The following GTF2E2 variants were observed in gnomAD, a reference collection of about 807,000 sequenced individuals.
The protein encoded by GTF2E2 is general transcription factor IIE subunit 2.
GTF2E2 carries 21 observed loss-of-function variants against 40.5 expected under a neutral mutation model. That is an observed-to-expected ratio of 0.52 (90% CI 0.37 to 0.75). GTF2E2 has a LOEUF of 0.75. Among genes scored for constraint, GTF2E2 ranks in the 30% least tolerant of loss-of-function variants. The pLI, the probability that GTF2E2 is intolerant of heterozygous loss-of-function variation, is 0.00. For synonymous variants in GTF2E2, 117 were observed against 121.6 expected, an observed-to-expected ratio of 0.96 and a Z score of 0.25; for missense variants, 298 against 338.4, an observed-to-expected ratio of 0.88 and a Z score of 0.94.
chr8:30,589,180 C>A (rs543292746), intron 6 of GTF2E2, among the ~76,000 whole-genome samples: 1 of 152,274 alleles, frequency 6.6e-6, no homozygotes, highest in African/African-American at 2.4e-5. Context: ...TCACTTGAAT[C>A]CAGGAAGCAG....
At chr8:30,600,871 T>C (rs1829158281) in intron 6 of GTF2E2, among the ~76,000 whole-genome samples, 1 of 152,218 alleles carries the variant, frequency 6.6e-6, no homozygotes, top group Admixed American at 6.5e-5. Context: ...GAACCCTCTG[T>C]GTGCCTGAAG....
In GTF2E2 at chr8:30,578,712, A is replaced by C. The variant is rs575167594; in HGVS notation, c.*209T>G. On this transcript the variant is annotated 3_prime_UTR_variant, in exon 8 of 8. Transcript: ENST00000355904. ...CAGCGCCTTTCTCCCAGGGAGTAAC[A>C]GAAGGTTAACAGGGAACATCACATT... 8.3e-5 allele frequency: 38 copies of C among 458,444 alleles called. No individual in the cohort carries two copies. The South Asian group carries it at 1.1e-3, about 13-fold the overall frequency. The allele number at this position is 458,444 out of a possible 1,614,324, so 28.4% of individuals were successfully genotyped here. A position where few individuals can be genotyped will look rare whatever the true frequency, so the allele number is the denominator to read the frequency against.
intron 6 of GTF2E2, among the ~76,000 whole-genome samples, chr8:30,589,326 G>A (rs978112975): frequency 2.0e-5 from 3 of 152,228 alleles, no homozygotes; most frequent in Non-Finnish European, 4.4e-5. Context: ...GGAGGCCAAG[G>A]TGGGAGGATC....
At chr8:30,618,594 T>G (rs980636756) in intron 3 of GTF2E2, among the ~76,000 whole-genome samples, 1 of 152,134 alleles carries the variant, frequency 6.6e-6, no homozygotes, top group African/African-American at 2.4e-5. Flanking sequence ...AGGTAGACAT[T>G]GTACAATGGT....
intron 5 of GTF2E2, among the ~76,000 whole-genome samples, chr8:30,608,905 C>G (rs531793382): frequency 6.6e-6 from 1 of 152,184 alleles, no homozygotes; most frequent in Admixed American, 6.5e-5. Flanking sequence ...CCCGCCACCA[C>G]GCCCGGCTAA....
At chr8:30,580,602 G>A (rs905957025) in intron 6 of GTF2E2, among the ~76,000 whole-genome samples, 6 of 152,148 alleles carry the variant, frequency 3.9e-5, no homozygotes, top group African/African-American at 1.2e-4. Context: ...ACACAGCCCC[G>A]ACAGTGGGGC....
At chr8:30,611,902 A>G (rs986983603) in intron 5 of GTF2E2, among the ~76,000 whole-genome samples, 1 of 152,224 alleles carries the variant, frequency 6.6e-6, no homozygotes, top group Non-Finnish European at 1.5e-5. Context: ...TAGGACTTCA[A>G]AACAGCCAGG....
chr8:30,592,070 AG>A (rs1436971740), intron 6 of GTF2E2, among the ~76,000 whole-genome samples: 2 of 152,230 alleles, frequency 1.3e-5, no homozygotes, highest in African/African-American at 4.8e-5. Context: ...CTTGAACCAT[AG>A]GTTACTTAAA....
intron 4 of GTF2E2, among the ~76,000 whole-genome samples, chr8:30,613,486 A>T (rs1315593955): frequency 1.3e-5 from 2 of 152,232 alleles, no homozygotes; most frequent in African/African-American, 4.8e-5. Flanking sequence ...CCTGACCCTG[A>T]AAGGAGAAAG....
At chr8:30,614,070 A>C (rs1475131731) in intron 4 of GTF2E2, among the ~76,000 whole-genome samples, 2 of 152,234 alleles carry the variant, frequency 1.3e-5, no homozygotes, top group Non-Finnish European at 2.9e-5. Flanking sequence ...GGCAATACAA[A>C]ATAAGCATTA....
intron 2 of GTF2E2, among the ~76,000 whole-genome samples, chr8:30,636,467 T>A (rs2128724144): frequency 6.6e-6 from 1 of 152,336 alleles, no homozygotes; most frequent in Middle Eastern, 3.4e-3. Flanking sequence ...TCCTTTGAGA[T>A]TAGTGAAGTC....
chr8:30,599,060 T>C (rs149354286), intron 6 of GTF2E2, among the ~76,000 whole-genome samples: 123 of 152,282 alleles, frequency 8.1e-4, no homozygotes, highest in Non-Finnish European at 3.8e-4. Context: ...CAAAGTCAAC[T>C]AAAAACACCC....
intron 2 of GTF2E2, among the ~76,000 whole-genome samples, chr8:30,641,351 AAGC>A (rs1273968511): frequency 6.6e-6 from 1 of 152,076 alleles, no homozygotes; most frequent in Non-Finnish European, 1.5e-5. Flanking sequence ...TTATTATTAA[AAGC>A]GTAATTTGTT....
intron 3 of GTF2E2, among the ~76,000 whole-genome samples, chr8:30,630,668 C>T (rs1268692687): frequency 2.0e-5 from 3 of 152,028 alleles, no homozygotes; most frequent in Admixed American, 6.6e-5. Flanking sequence ...TGATGCAGAG[C>T]CTGAAGGAAT....
intron 6 of GTF2E2, chr8:30,584,815 G>T (rs1828624201): frequency 6.6e-6 from 1 of 152,178 alleles, no homozygotes; most frequent in African/African-American, 2.4e-5. Context: ...TGTGACCTCA[G>T]TTACCACATT....
At chr8:30,582,266 C>G (rs866406790) in intron 6 of GTF2E2, among the ~76,000 whole-genome samples, 2 of 152,326 alleles carry the variant, frequency 1.3e-5, no homozygotes, top group South Asian at 4.1e-4. Context: ...TCAGGCAATC[C>G]ATCTGCCTTG....
At position 30,612,294 on chromosome 8, in the gene GTF2E2, A is replaced by G. The variant is rs193287401; in HGVS notation, c.549+5T>C. ...ATTAAGACATAGAAAGAAAAGAGAG[A>G]TTACCTTGACAGCTTTCTGGGAATT... On this transcript the variant is annotated splice_donor_5th_base_variant and intron_variant, in intron 5 of 7. Coordinates refer to ENST00000355904, the MANE Select transcript of GTF2E2 (RefSeq NM_002095.6). The G allele has an allele frequency of 1.8e-3, 2,782 of 1,565,248 alleles. 7 individuals carry two copies. Among genetic ancestry groups the G allele is most frequent in the Non-Finnish European group, 2.2e-3 (2,513 of 1,138,358 alleles).
At chr8:30,594,622 C>A (rs1436258429) in intron 6 of GTF2E2, among the ~76,000 whole-genome samples, 1 of 150,806 alleles carries the variant, frequency 6.6e-6, no homozygotes, top group Non-Finnish European at 1.5e-5. Context: ...CTTTGGGAGG[C>A]CGAGGTGGGA....
At chr8:30,629,378 T>C (rs1051182705) in intron 3 of GTF2E2, among the ~76,000 whole-genome samples, 1 of 152,092 alleles carries the variant, frequency 6.6e-6, no homozygotes, top group Non-Finnish European at 1.5e-5. Context: ...CTTCAGCATG[T>C]ATCACAATCA....
Sources: allele counts gnomAD v4.1 joint callset (sites outside exome capture counted in the v4.1 genomes callset), GRCh38; gene constraint gnomAD v4.1.1; transcripts MANE v1.5; gene names NCBI Gene and HGNC (gene_info 2026-07-23, HGNC 2026-07-21).